Variants in DPP10 observed in about 807,000 individuals in gnomAD.
DPP10 encodes dipeptidyl peptidase like 10.
In DPP10, 33 loss-of-function variants were observed where a neutral mutation model predicts 120.9. That is an observed-to-expected ratio of 0.27 (90% CI 0.21 to 0.37). The LOEUF (loss-of-function observed/expected upper bound fraction) is 0.37. Ranked by LOEUF, DPP10 falls within the 10% of genes least tolerant of loss-of-function variation. The pLI is 1.00. For missense variants in DPP10, 816 were observed against 942.8 expected (o/e 0.87, Z 1.76); for synonymous variants, 337 against 326.1 (o/e 1.03, Z -0.36).
intron 5 of DPP10, among the ~76,000 whole-genome samples, chr2:115,532,247 G>A (rs534840974): frequency 6.6e-6 from 1 of 152,114 alleles, no homozygotes; most frequent in South Asian, 2.1e-4. Flanking sequence ...CCCGCTTCTT[G>A]GCTGTTTATA....
At chr2:114,888,872 A>T (rs1342300603) in intron 1 of DPP10, among the ~76,000 whole-genome samples, 1 of 152,168 alleles carries the variant, frequency 6.6e-6, no homozygotes, top group Non-Finnish European at 1.5e-5. Flanking sequence ...GCCTGGAGGT[A>T]TCTCATAGCC....
At chr2:115,281,903 T>C (rs2060171719) in intron 1 of DPP10, among the ~76,000 whole-genome samples, 1 of 152,132 alleles carries the variant, frequency 6.6e-6, no homozygotes, top group African/African-American at 2.4e-5. Flanking sequence ...AATTTTAAAA[T>C]AGTGACCCAA....
At chr2:115,014,656 C>T (rs1474430034) in intron 1 of DPP10, among the ~76,000 whole-genome samples, 2 of 151,742 alleles carry the variant, frequency 1.3e-5, no homozygotes. Flanking sequence ...TGATAAAGGG[C>T]ATATCACCAC....
intron 3 of DPP10, among the ~76,000 whole-genome samples, chr2:115,409,765 T>C (rs1476098327): frequency 2.0e-5 from 3 of 152,226 alleles, no homozygotes. Context: ...CCACCCTAAA[T>C]GTCCTTCGAC....
At chr2:115,404,727 C>T (rs766915854) in intron 3 of DPP10, among the ~76,000 whole-genome samples, 1 of 152,078 alleles carries the variant, frequency 6.6e-6, no homozygotes, top group Non-Finnish European at 1.5e-5. Context: ...GGGCCTTTTA[C>T]TTCATCATGA....
chr2:114,495,104 G>T (rs1052713687), intron 1 of DPP10, among the ~76,000 whole-genome samples: 5 of 152,210 alleles, frequency 3.3e-5, no homozygotes, highest in African/African-American at 1.2e-4. Context: ...AGTTTTATTT[G>T]CTAAGGATTA....
intron 1 of DPP10, among the ~76,000 whole-genome samples, chr2:115,257,621 T>C (rs1559324615): frequency 6.6e-6 from 1 of 152,204 alleles, no homozygotes; most frequent in Non-Finnish European, 1.5e-5. Flanking sequence ...GGATGATATC[T>C]GAGCATGATA....
intron 3 of DPP10, among the ~76,000 whole-genome samples, chr2:115,495,298 A>AT (rs1431206836): frequency 7.0e-6 from 1 of 143,386 alleles, no homozygotes; most frequent in African/African-American, 2.5e-5. Context: ...GAGTTGTTTG[A>AT]TAATTGAGCC....
intron 5 of DPP10, among the ~76,000 whole-genome samples, chr2:115,669,729 G>C (rs2089724587): frequency 6.6e-6 from 1 of 151,986 alleles, no homozygotes; most frequent in Non-Finnish European, 1.5e-5. Flanking sequence ...ATTGCATGAT[G>C]CTTATTAGCT....
At chr2:114,954,716 A>G (rs947620724) in intron 1 of DPP10, among the ~76,000 whole-genome samples, 3 of 152,108 alleles carry the variant, frequency 2.0e-5, no homozygotes, top group Non-Finnish European at 2.9e-5. Context: ...CTTTAGCCAG[A>G]CTAAGAAAAA....
chr2:115,580,333 A>C (rs2081941017), intron 5 of DPP10: 1 of 152,210 alleles, frequency 6.6e-6, no homozygotes. Flanking sequence ...GCTATTACTG[A>C]AATTATTTAT....
chr2:115,108,422 T>C (rs1297143104), intron 1 of DPP10, among the ~76,000 whole-genome samples: 1 of 152,226 alleles, frequency 6.6e-6, no homozygotes, highest in Non-Finnish European at 1.5e-5. Flanking sequence ...ATTTCCTTGC[T>C]GAATGTAAAA....
chr2:115,191,785 C>T lies in DPP10; in HGVS notation c.61-117454C>T, dbSNP rs369044700. Among the ~76,000 whole-genome samples, 12 of 152,138 alleles carry T rather than the reference C, an allele frequency of 7.9e-5. No individual in the cohort carries two copies. The East Asian group carries it at 1.2e-3, about 15-fold the overall frequency. On this transcript the variant is annotated intron_variant, in intron 1 of 25. Coordinates refer to ENST00000410059, the MANE Select transcript of DPP10 (RefSeq NM_020868.6). ...CCTTCTCTCCAGCTTTGGATGAGGA[C>T]GTGGTCCCCAGGCTGGTGTTGATGT...
At position 115,753,243 on chromosome 2, in the gene DPP10, T is replaced by G. The variant is rs757616026; in HGVS notation, c.1020T>G (p.Ala340=). 2 of 1,612,122 alleles carry G rather than the reference T, an allele frequency of 1.2e-6. No individual in the cohort carries two copies. Among genetic ancestry groups the G allele is most frequent in the Admixed American group, 1.7e-5 (1 of 59,928 alleles). Residue 340 remains alanine, a synonymous_variant, in exon 11 of 26, where the codon GCT becomes GCG. Transcript: ENST00000410059. ...TKTVVRWLNR[A]QNISILTVCE... ...CTGTGGTAAGATGGTTAAACCGAGCTCAGAACATCTCCATCCTCACAGTCT... is the reference window on the plus strand; with the variant it reads ...CTGTGGTAAGATGGTTAAACCGAGCGCAGAACATCTCCATCCTCACAGTCT...
intron 1 of DPP10, among the ~76,000 whole-genome samples, chr2:114,988,136 C>T (rs1252151380): frequency 6.6e-6 from 1 of 152,146 alleles, no homozygotes; most frequent in Non-Finnish European, 1.5e-5. Context: ...TCTTCATGTG[C>T]ATCTCCCATA....
intron 1 of DPP10, among the ~76,000 whole-genome samples, chr2:115,159,849 A>C (rs1463680919): frequency 6.6e-6 from 1 of 152,202 alleles, no homozygotes; most frequent in Non-Finnish European, 1.5e-5. Flanking sequence ...GTTGAACTCA[A>C]TCAAATAAGT....
intron 17 of DPP10, among the ~76,000 whole-genome samples, chr2:115,783,365 C>G (rs1357077598): frequency 6.6e-6 from 1 of 152,104 alleles, no homozygotes; most frequent in South Asian, 2.1e-4. Flanking sequence ...AATATAATAA[C>G]TACTTTTTCT....
chr2:114,892,683 G>C (rs551736148), intron 1 of DPP10, among the ~76,000 whole-genome samples: 1 of 152,144 alleles, frequency 6.6e-6, no homozygotes, highest in East Asian at 1.9e-4. Context: ...TCAGGTCTTC[G>C]TGCAGATAAG....
chr2:115,347,123 A>G (rs894196928), intron 3 of DPP10, among the ~76,000 whole-genome samples: 3 of 152,182 alleles, frequency 2.0e-5, no homozygotes, highest in Non-Finnish European at 4.4e-5. Flanking sequence ...TGTCACTTGG[A>G]AGACTTTAGA....
Sources: allele counts gnomAD v4.1 joint callset (sites outside exome capture counted in the v4.1 genomes callset), GRCh38; gene constraint gnomAD v4.1.1; transcripts MANE v1.5; gene names NCBI Gene and HGNC (gene_info 2026-07-23, HGNC 2026-07-21).